TBL1Y: variants seen among roughly 807,000 people sequenced by gnomAD.
TBL1Y encodes the protein F-box-like/WD repeat-containing protein TBL1Y.
A neutral mutation model predicts 12.0 loss-of-function variants in TBL1Y; 15 were observed. The ratio of observed to expected loss-of-function variants is 1.25; its 90% CI spans 0.83 to 1.92. The LOEUF is 1.92. Among genes scored for constraint, TBL1Y ranks in the 40% most tolerant of loss-of-function variants. The pLI, the probability that TBL1Y is intolerant of heterozygous loss-of-function variation, is 0.00. For synonymous variants in TBL1Y, 53 were observed against 42.6 expected (o/e 1.24, Z -0.95); for missense variants, 148 against 116.7 (o/e 1.27, Z -1.24).
intron 6 of TBL1Y, among the ~76,000 whole-genome samples, chrY:7,029,335 C>A: frequency 3.0e-5 from 1 of 33,304 alleles, no homozygotes; most frequent in Non-Finnish European, 7.4e-5. Flanking sequence ...TACAGTGCTG[C>A]GACCGTGACT....
intron 2 of TBL1Y, among the ~76,000 whole-genome samples, chrY:6,956,881 C>T: frequency 2.9e-5 from 1 of 33,914 alleles, no homozygotes; most frequent in African/African-American, 1.1e-4. Context: ...TCTCCTGATC[C>T]TGACGCCACT....
chrY:7,080,040 C>T, intron 13 of TBL1Y, among the ~76,000 whole-genome samples: 1 of 19,656 alleles, frequency 5.1e-5, no homozygotes, highest in Non-Finnish European at 1.0e-4. Flanking sequence ...TGATCACACA[C>T]GGGACTGTTT....
intron 12 of TBL1Y, among the ~76,000 whole-genome samples, chrY:7,073,605 A>G (rs760498416): frequency 3.0e-5 from 1 of 33,461 alleles, no homozygotes; most frequent in East Asian, 7.9e-4. Flanking sequence ...AAGTAATGCT[A>G]ATTGGTTGAG....
chrY:7,022,270 A>G, intron 5 of TBL1Y, among the ~76,000 whole-genome samples: 3 of 30,569 alleles, frequency 9.8e-5, no homozygotes, highest in African/African-American at 3.8e-4. Flanking sequence ...TTTTAAAACT[A>G]TAGAAATTTG....
At chrY:6,987,292 T>C (rs1603034193) in intron 3 of TBL1Y, among the ~76,000 whole-genome samples, 3 of 31,673 alleles carry the variant, frequency 9.5e-5, no homozygotes, top group East Asian at 1.6e-3. Flanking sequence ...TGTAATTTTG[T>C]CATTTCTTTT....
chrY:7,045,908 C>T lies in TBL1Y; in HGVS notation c.204+2783C>T, dbSNP rs770433216. Reference sequence around the variant, plus strand: ...TAGCACAAATGACTGCATTTTGGTTCGGTTTTGTCTGTTGGGGCCTATTGC... The same window carrying T: ...TAGCACAAATGACTGCATTTTGGTTTGGTTTTGTCTGTTGGGGCCTATTGC... On this transcript the variant is annotated intron_variant, in intron 7 of 18. Transcript: ENST00000383032. Among the ~76,000 whole-genome samples, 58 of 33,272 alleles carry T rather than the reference C, an allele frequency of 1.7e-3. No homozygotes were observed. In the East Asian group the frequency reaches 0.041, roughly 24 times the overall value. The allele number at this position is 33,272 out of a possible 37,273, so 89.3% of individuals were successfully genotyped here.
intron 4 of TBL1Y, among the ~76,000 whole-genome samples, chrY:7,007,701 C>T: frequency 6.0e-5 from 2 of 33,102 alleles, no homozygotes; most frequent in African/African-American, 2.4e-4. Flanking sequence ...ATCCATCTGC[C>T]TCAGTGTCCC....
At position 6,982,297 on chromosome Y, in the gene TBL1Y, A is replaced by T. The variant is rs757482736; in HGVS notation, c.-235+4054A>T. On this transcript the variant is annotated intron_variant, in intron 3 of 18. Transcript: ENST00000383032. ...CAGTGAGACCATGTCTCTAAAAAAAATTTTTTTAATTAGCCTAGTATGATG... is the reference window on the plus strand; with the variant it reads ...CAGTGAGACCATGTCTCTAAAAAAATTTTTTTTAATTAGCCTAGTATGATG... Among the ~76,000 whole-genome samples, 49 of 32,447 alleles carry T rather than the reference A, an allele frequency of 1.5e-3. No individual in the cohort carries two copies. In the East Asian group the frequency reaches 0.035, roughly 23 times the overall value. The allele number at this position is 32,447 out of a possible 37,273, so 87.1% of individuals were successfully genotyped here. A position where few individuals can be genotyped will look rare whatever the true frequency, so the allele number is the denominator to read the frequency against.
intron 2 of TBL1Y, among the ~76,000 whole-genome samples, chrY:6,947,208 C>T: frequency 3.0e-5 from 1 of 32,868 alleles, no homozygotes; most frequent in Admixed American, 2.8e-4. Context: ...ATGGGTAGGC[C>T]GGAAAGCTCA....
Position 7,080,864 on chromosome Y carries a change from G to A in TBL1Y, c.1077+11G>A. 1 of 398,410 alleles carries A rather than the reference G, an allele frequency of 2.5e-6. No homozygotes were observed. Among genetic ancestry groups the A allele is most frequent in the Non-Finnish European group, 3.5e-6 (1 of 283,371 alleles). The stretch of plus-strand genomic sequence containing the variant: ...TTCCAGGGACACACAGTAAGTGAGA[G>A]CTCTTGTCACTGGTCTCGAGTTCAT... On this transcript the variant is annotated intron_variant, in intron 14 of 18. Coordinates refer to ENST00000383032, the MANE Select transcript of TBL1Y (RefSeq NM_033284.2).
intron 2 of TBL1Y, among the ~76,000 whole-genome samples, chrY:6,952,193 G>A (rs1603028809): frequency 1.8e-4 from 6 of 32,815 alleles, no homozygotes; most frequent in African/African-American, 6.0e-4. Flanking sequence ...CTATTAGGTC[G>A]GCTTGGTGCA....
Position 7,042,978 on chromosome Y carries a change from A to G in TBL1Y, c.59-2A>G, listed in dbSNP as rs780639620. ...AACGTCAGCTTTCCTCTCTTGCCGCAGGTTTTTCTCACTCGGCTTTCACGT... is the reference window on the plus strand; with the variant it reads ...AACGTCAGCTTTCCTCTCTTGCCGCGGGTTTTTCTCACTCGGCTTTCACGT... On this transcript the variant is annotated splice_acceptor_variant, in intron 6 of 18. Coordinates refer to ENST00000383032, the MANE Select transcript of TBL1Y (RefSeq NM_033284.2). LOFTEE classifies it high-confidence loss of function. The G allele has an allele frequency of 2.0e-5, 8 of 398,344 alleles. No individual in the cohort carries two copies. Among genetic ancestry groups the G allele is most frequent in the Non-Finnish European group, 2.8e-5 (8 of 283,608 alleles).
chrY:7,043,014 GAGCCACATC>G lies in TBL1Y; in HGVS notation c.99_107del (p.His33_Ser35del). The G allele has an allele frequency of 2.5e-6, 1 of 398,295 alleles. No individual in the cohort carries two copies. Among genetic ancestry groups the G allele is most frequent in the Non-Finnish European group, 3.5e-6 (1 of 283,600 alleles). On this transcript the variant is annotated inframe_deletion, in exon 7 of 19. Coordinates refer to ENST00000383032, the MANE Select transcript of TBL1Y (RefSeq NM_033284.2). ...ACTCGGCTTTCACGTTTGGGATCGA[GAGCCACATC>G]AGCCAGTCCAACATCAATGGGACAC...
chrY:7,017,627 G>A (rs2012558345), intron 4 of TBL1Y, among the ~76,000 whole-genome samples: 1 of 34,066 alleles, frequency 2.9e-5, no homozygotes, highest in Non-Finnish European at 7.3e-5. Flanking sequence ...CCCTTATGGT[G>A]GTTTGCAGAT....
At chrY:6,923,869 C>G in intron 2 of TBL1Y, among the ~76,000 whole-genome samples, 2 of 33,446 alleles carry the variant, frequency 6.0e-5, no homozygotes, top group African/African-American at 2.3e-4. Context: ...GTTACTCAGG[C>G]TGAAGTGCAG....
chrY:7,080,219 C>T (rs1603050949), intron 13 of TBL1Y, among the ~76,000 whole-genome samples: 2 of 30,279 alleles, frequency 6.6e-5, no homozygotes, highest in Admixed American at 3.0e-4. Flanking sequence ...GGACTACAGG[C>T]GTGTGCCACC....
intron 2 of TBL1Y, among the ~76,000 whole-genome samples, chrY:6,913,857 C>T: frequency 3.0e-5 from 1 of 33,171 alleles, no homozygotes; most frequent in East Asian, 7.9e-4. Flanking sequence ...AGAAAGTCTA[C>T]CACAGGGGAT....
chrY:7,034,810 T>A, intron 6 of TBL1Y, among the ~76,000 whole-genome samples: 1 of 33,562 alleles, frequency 3.0e-5, no homozygotes, highest in Non-Finnish European at 7.4e-5. Flanking sequence ...TATACAAAAA[T>A]TAATATAAGA....
chrY:7,048,331 A>G, intron 7 of TBL1Y, among the ~76,000 whole-genome samples: 1 of 33,165 alleles, frequency 3.0e-5, no homozygotes, highest in Non-Finnish European at 7.4e-5. Flanking sequence ...TGATCCATCC[A>G]AAAAGCCAGG....
Sources: allele counts gnomAD v4.1 joint callset (sites outside exome capture counted in the v4.1 genomes callset), GRCh38; gene constraint gnomAD v4.1.1; transcripts MANE v1.5; gene names NCBI Gene and HGNC (gene_info 2026-07-23, HGNC 2026-07-21).